Variants in LRRC28 observed in about 807,000 individuals in gnomAD.
LRRC28 encodes leucine-rich repeat-containing protein 28.
LRRC28 carries 39 observed loss-of-function variants against 45.7 expected under a neutral mutation model. The ratio of observed to expected loss-of-function variants is 0.85; its 90% CI spans 0.66 to 1.12. LRRC28 has a LOEUF of 1.12. Among genes scored for constraint, LRRC28 ranks in the 50% most tolerant of loss-of-function variants. LRRC28 has a pLI of 0.00. For missense variants in LRRC28, 435 were observed against 438.5 expected, an observed-to-expected ratio of 0.99 and a Z score of 0.07; for synonymous variants, 206 against 178.8, an observed-to-expected ratio of 1.15 and a Z score of -1.22.
At chr15:99,318,850 T>C (rs948237119) in intron 5 of LRRC28, among the ~76,000 whole-genome samples, 1 of 152,136 alleles carries the variant, frequency 6.6e-6, no homozygotes, top group African/African-American at 2.4e-5. Flanking sequence ...GTTTTTCCAG[T>C]GGTTTCCAAA....
At chr15:99,383,263 C>G (rs1957883406) in intron 9 of LRRC28, among the ~76,000 whole-genome samples, 1 of 152,188 alleles carries the variant, frequency 6.6e-6, no homozygotes, top group African/African-American at 2.4e-5. Context: ...GGATTGGAGG[C>G]TTCTACAGCA....
intron 3 of LRRC28, among the ~76,000 whole-genome samples, chr15:99,282,855 A>G (rs2081844250): frequency 6.6e-6 from 1 of 152,204 alleles, no homozygotes; most frequent in African/African-American, 2.4e-5. Context: ...CATTGTTGTT[A>G]TTCATCCTGA....
chr15:99,287,967 A>G lies in LRRC28; in HGVS notation c.385+16A>G, dbSNP rs756507426. 2 of 1,601,786 alleles carry G rather than the reference A, an allele frequency of 1.2e-6. No individual in the cohort carries two copies. Among genetic ancestry groups the G allele is most frequent in the Admixed American group, 3.4e-5 (2 of 58,428 alleles). ...CTACCTCCAGGTAATCATAGTCTCT[A>G]GCACACTATAGTTTCTTGTCTATTA... On this transcript the variant is annotated intron_variant, in intron 5 of 9. Transcript: ENST00000301981.
intron 7 of LRRC28, among the ~76,000 whole-genome samples, chr15:99,355,891 T>C (rs1217707022): frequency 2.6e-5 from 4 of 152,198 alleles, no homozygotes; most frequent in Non-Finnish European, 4.4e-5. Context: ...GAGAAATGTA[T>C]TCTGAGTTAA....
In LRRC28 at chr15:99,282,177, G is replaced by GTTTTTTTTTTTTTTGTTTTTT. The variant is rs1555555141; in HGVS notation, c.210-5064_210-5063insTTTTTTTTTTTTTTTTTTTGT. 2.0e-3 allele frequency among the ~76,000 whole-genome samples: 196 copies of GTTTTTTTTTTTTTTGTTTTTT among 98,044 alleles called. 14 individuals are homozygous for GTTTTTTTTTTTTTTGTTTTTT. Among genetic ancestry groups the GTTTTTTTTTTTTTTGTTTTTT allele is most frequent in the African/African-American group, 8.8e-3 (182 of 20,768 alleles). The allele number at this position is 98,044 out of a possible 152,430, so 64.3% of individuals were successfully genotyped here. On this transcript the variant is annotated intron_variant, in intron 3 of 9. Coordinates refer to ENST00000301981, the MANE Select transcript of LRRC28 (RefSeq NM_144598.5). ...GGATTCCTTATGCAAATTTTTGGAG[G>GTTTTTTTTTTTTTTGTTTTTT]TTTTTTTTTTTTTTGTAGCAGTAGC...
At chr15:99,290,384 G>A (rs1159139658) in intron 5 of LRRC28, among the ~76,000 whole-genome samples, 5 of 151,708 alleles carry the variant, frequency 3.3e-5, no homozygotes, top group Non-Finnish European at 2.9e-5. Flanking sequence ...AAAAATTTTT[G>A]ACACAATACA....
rs1315706055 is a variant in LRRC28, at chr15:99,363,257, G to T, written c.1023G>T (p.Leu341=). 1.6e-5 allele frequency: 26 copies of T among 1,613,674 alleles called. No homozygotes were observed. The highest frequency in any genetic ancestry group is 2.1e-5 in the Non-Finnish European group (25 of 1,179,838). The change falls in exon 9 of 10, where the codon CTG becomes CTT. Residue 341 remains leucine (L), a synonymous_variant. Coordinates refer to ENST00000301981, the MANE Select transcript of LRRC28 (RefSeq NM_144598.5). ...TGAGAGAGACGCCAATGGCAGGGCT[G>T]CACCAGTGGTAATCATGCCTAAGTG... ...FPLRETPMAG[L]HQWKTTVSFV... is the part of the protein sequence containing the mutation.
chr15:99,342,072 T>C (rs1487808465), intron 6 of LRRC28, among the ~76,000 whole-genome samples: 1 of 152,232 alleles, frequency 6.6e-6, no homozygotes, highest in East Asian at 1.9e-4. Flanking sequence ...TGTTTCCTTC[T>C]CTAGGATCTT....
intron 3 of LRRC28, among the ~76,000 whole-genome samples, chr15:99,279,638 A>G (rs2081724985): frequency 6.6e-6 from 1 of 152,178 alleles, no homozygotes; most frequent in Non-Finnish European, 1.5e-5. Flanking sequence ...GCAGAGCAGG[A>G]GAGTGGGGTT....
rs1243241221 is a variant in LRRC28 at position 99,386,093 on chromosome 15, G to A, written c.1095G>A (p.Leu365=). 1.2e-6 allele frequency: 2 copies of A among 1,613,766 alleles called. No homozygotes were observed. The highest frequency in any genetic ancestry group is 2.2e-5 in the East Asian group (1 of 44,894). Residue 365 remains leucine, a synonymous_variant, in exon 10 of 10, where the codon CTG becomes CTA. Coordinates refer to ENST00000301981, the MANE Select transcript of LRRC28 (RefSeq NM_144598.5). The stretch of plus-strand genomic sequence containing the variant: ...CCCAGTGTCTGCAGACTTTTGACCT[G>A]CTGAGTTGATAAACACTCAAGAACC... ...CSTQCLQTFD[L]LS
intron 9 of LRRC28, among the ~76,000 whole-genome samples, chr15:99,378,372 T>G (rs984999376): frequency 4.6e-5 from 7 of 152,236 alleles, no homozygotes; most frequent in Admixed American, 6.5e-5. Flanking sequence ...ATGCTTGTGA[T>G]TTTTGCACAT....
chr15:99,272,563 C>T (rs1346851514), intron 2 of LRRC28, among the ~76,000 whole-genome samples: 1 of 152,208 alleles, frequency 6.6e-6, no homozygotes, highest in Non-Finnish European at 1.5e-5. Context: ...AATTTTAAAA[C>T]ATTCCCATTT....
At chr15:99,272,151 C>T (rs931828166) in intron 2 of LRRC28, among the ~76,000 whole-genome samples, 1 of 152,174 alleles carries the variant, frequency 6.6e-6, no homozygotes, top group Admixed American at 6.5e-5. Context: ...TCTGTGACTT[C>T]TTTGAAATGT....
At chr15:99,340,064 C>T (rs1169367914) in intron 6 of LRRC28, among the ~76,000 whole-genome samples, 5 of 152,206 alleles carry the variant, frequency 3.3e-5, no homozygotes, top group African/African-American at 7.2e-5. Context: ...GACAAGCAAG[C>T]ACGTGAGTGC....
At chr15:99,359,418 A>G (rs185169401) in intron 7 of LRRC28, among the ~76,000 whole-genome samples, 1 of 152,264 alleles carries the variant, frequency 6.6e-6, no homozygotes, top group Non-Finnish European at 1.5e-5. Context: ...GAAGAAATGT[A>G]AATGGCCAGC....
chr15:99,294,516 A>G (rs1303684662), intron 5 of LRRC28, among the ~76,000 whole-genome samples: 1 of 152,218 alleles, frequency 6.6e-6, no homozygotes, highest in Non-Finnish European at 1.5e-5. Flanking sequence ...GCTTATAAAC[A>G]ACAGAAATGT....
chr15:99,273,935 A>G (rs2081550571), intron 2 of LRRC28, among the ~76,000 whole-genome samples: 1 of 152,234 alleles, frequency 6.6e-6, no homozygotes, highest in African/African-American at 2.4e-5. Context: ...CTGGTTCCCT[A>G]GTTTTTCTAG....
At chr15:99,361,615 T>A in intron 8 of LRRC28, 104 bp downstream of exon 8, 2 of 1,142,392 alleles carry the variant, frequency 1.8e-6, no homozygotes, top group Non-Finnish European at 1.2e-6. Flanking sequence ...ATTATTGTGG[T>A]AAAATACACA....
At position 99,344,703 on chromosome 15, in the gene LRRC28, A is replaced by G. The variant is rs1034783724; in HGVS notation, c.593-7666A>G. On this transcript the variant is annotated intron_variant, in intron 6 of 9. Transcript: ENST00000301981. The stretch of plus-strand genomic sequence containing the variant: ...AATTAACATAGGGAAAGAAGACTAA[A>G]CTATGTAAGAAGTAGCAAGTGTCAG... 6.6e-5 allele frequency among the ~76,000 whole-genome samples: 10 copies of G among 152,184 alleles called. 1 individual carries two copies. The highest frequency in any genetic ancestry group is 1.9e-4 in the East Asian group (1 of 5,200).
Sources: allele counts gnomAD v4.1 joint callset (sites outside exome capture counted in the v4.1 genomes callset), GRCh38; gene constraint gnomAD v4.1.1; transcripts MANE v1.5; gene names NCBI Gene and HGNC (gene_info 2026-07-23, HGNC 2026-07-21).